Variants in NKAIN3 observed in about 807,000 individuals in gnomAD.
The protein encoded by NKAIN3 is sodium/potassium transporting ATPase interacting 3.
Under a neutral mutation model 30.2 loss-of-function variants are expected in NKAIN3, and 25 were observed. The observed-to-expected ratio is 0.83, with a 90% CI of 0.60 to 1.16. The LOEUF is 1.16. Among genes scored for constraint, NKAIN3 ranks in the 50% most tolerant of loss-of-function variants. NKAIN3 has a pLI of 0.00. For missense variants in NKAIN3, 225 were observed against 254.1 expected, an observed-to-expected ratio of 0.89 and a Z score of 0.78; for synonymous variants, 91 against 89.6, an observed-to-expected ratio of 1.02 and a Z score of -0.09.
At chr8:62,261,792 T>C (rs558972893) in intron 1 of NKAIN3, among the ~76,000 whole-genome samples, 3 of 152,354 alleles carry the variant, frequency 2.0e-5, no homozygotes, top group Admixed American at 6.5e-5. Context: ...CAATCATTGT[T>C]ACAATGCGGA....
chr8:62,504,478 C>T (rs1476285803), intron 1 of NKAIN3, among the ~76,000 whole-genome samples: 1 of 152,138 alleles, frequency 6.6e-6, no homozygotes, highest in Non-Finnish European at 1.5e-5. Context: ...TTCCTTCTAT[C>T]CCAATCCTCA....
intron 1 of NKAIN3, among the ~76,000 whole-genome samples, chr8:62,542,715 A>G (rs952200975): frequency 6.6e-6 from 1 of 152,210 alleles, no homozygotes; most frequent in Non-Finnish European, 1.5e-5. Context: ...CATGTTAAAC[A>G]TGTTAAAAAT....
chr8:62,369,918 A>G (rs1474313329), intron 1 of NKAIN3, among the ~76,000 whole-genome samples: 3 of 151,962 alleles, frequency 2.0e-5, no homozygotes, highest in African/African-American at 7.2e-5. Flanking sequence ...CAGCCAAGAT[A>G]GAAAAAAAAA....
intron 1 of NKAIN3, among the ~76,000 whole-genome samples, chr8:62,288,017 G>C (rs922166153): frequency 2.0e-5 from 3 of 152,048 alleles, no homozygotes; most frequent in African/African-American, 7.2e-5. Context: ...CCTGACAATA[G>C]CCTATGAAGG....
intron 1 of NKAIN3, among the ~76,000 whole-genome samples, chr8:62,321,902 G>A (rs1814931051): frequency 6.6e-6 from 1 of 152,148 alleles, no homozygotes; most frequent in Non-Finnish European, 1.5e-5. Context: ...ACTGCGTTTT[G>A]TTTGGTTATG....
At chr8:62,502,411 G>A (rs536194054) in intron 1 of NKAIN3, among the ~76,000 whole-genome samples, 11 of 152,010 alleles carry the variant, frequency 7.2e-5, no homozygotes, top group Non-Finnish European at 4.4e-5. Context: ...ATATCCTATT[G>A]CAAAATCTAG....
intron 1 of NKAIN3, among the ~76,000 whole-genome samples, chr8:62,462,784 C>A (rs1806037559): frequency 6.6e-6 from 1 of 152,150 alleles, no homozygotes; most frequent in African/African-American, 2.4e-5. Context: ...TTCCTGGGGT[C>A]TGAGGAAAAT....
At chr8:62,434,097 T>A (rs1484172520) in intron 1 of NKAIN3, among the ~76,000 whole-genome samples, 1 of 151,982 alleles carries the variant, frequency 6.6e-6, no homozygotes, top group African/African-American at 2.4e-5. Flanking sequence ...AACGACAAGA[T>A]CCAGGGAAGG....
intron 1 of NKAIN3, among the ~76,000 whole-genome samples, chr8:62,349,434 T>A (rs1042795921): frequency 1.3e-5 from 2 of 152,164 alleles, no homozygotes; most frequent in Non-Finnish European, 2.9e-5. Flanking sequence ...GTGTTAGAGA[T>A]GACAGATTGT....
chr8:62,261,471 AATGAGTGTTGATTAGTTCCC>A (rs1232720621), intron 1 of NKAIN3, among the ~76,000 whole-genome samples: 1 of 152,190 alleles, frequency 6.6e-6, no homozygotes. Flanking sequence ...ATTTCTGCTT[AATGAGTGTTGATTAGTTCCC>A]ATGAGGAAAG....
At chr8:62,315,010 C>T (rs1255929707) in intron 1 of NKAIN3, among the ~76,000 whole-genome samples, 2 of 152,046 alleles carry the variant, frequency 1.3e-5, no homozygotes, top group African/African-American at 4.8e-5. Flanking sequence ...TAGGACTTTA[C>T]TGGGGATATA....
intron 4 of NKAIN3, among the ~76,000 whole-genome samples, chr8:62,820,556 G>A (rs1415002001): frequency 1.3e-5 from 2 of 152,124 alleles, no homozygotes; most frequent in Non-Finnish European, 2.9e-5. Context: ...ACCAGGCAGA[G>A]CTCATGGCTG....
At chr8:62,521,492 G>T (rs1808157337) in intron 1 of NKAIN3, among the ~76,000 whole-genome samples, 1 of 152,114 alleles carries the variant, frequency 6.6e-6, no homozygotes, top group African/African-American at 2.4e-5. Flanking sequence ...GTGTATTTCA[G>T]AGGGGCAGAC....
chr8:62,530,647 ATTTAT>A (rs1436823971), intron 1 of NKAIN3, among the ~76,000 whole-genome samples: 42 of 151,740 alleles, frequency 2.8e-4, no homozygotes, highest in South Asian at 8.3e-4. Context: ...TTATTTATTT[ATTTAT>A]TTTGAGACGG....
At chr8:62,397,165 C>G (rs1364601241) in intron 1 of NKAIN3, among the ~76,000 whole-genome samples, 1 of 152,020 alleles carries the variant, frequency 6.6e-6, no homozygotes, top group African/African-American at 2.4e-5. Context: ...GGCCTCAGTG[C>G]TCGAAGGACC....
chr8:62,668,111 T>TACAC (rs5891867), intron 3 of NKAIN3, among the ~76,000 whole-genome samples: 3,593 of 149,092 alleles, frequency 0.024, 86 homozygotes, highest in African/African-American at 0.07. Context: ...CACACACACA[T>TACAC]ACACACACAC....
intron 4 of NKAIN3, among the ~76,000 whole-genome samples, chr8:62,786,827 A>G (rs560732915): frequency 6.6e-6 from 1 of 152,308 alleles, no homozygotes; most frequent in African/African-American, 2.4e-5. Context: ...AATATGTTAG[A>G]GTCTGGACTG....
chr8:62,756,989 T>A (rs781488878), intron 4 of NKAIN3, among the ~76,000 whole-genome samples: 4 of 152,156 alleles, frequency 2.6e-5, no homozygotes, highest in Admixed American at 6.6e-5. Flanking sequence ...AATGCAAACA[T>A]GAGTTATGAC....
chr8:62,766,592 A>G (rs1169100218), intron 4 of NKAIN3, among the ~76,000 whole-genome samples: 1 of 152,174 alleles, frequency 6.6e-6, no homozygotes, highest in East Asian at 1.9e-4. Flanking sequence ...TCATTGATGT[A>G]GGAGGTGATC....
Sources: gnomAD v4.1 joint callset for allele counts (sites outside exome capture counted in the v4.1 genomes callset) on GRCh38, gnomAD v4.1.1 for gene constraint, MANE v1.5 for transcripts, NCBI Gene and HGNC (gene_info 2026-07-23, HGNC 2026-07-21) for gene names.